The following ABCB1 variants were observed in gnomAD, a reference collection of about 807,000 sequenced individuals.
ABCB1 encodes the protein ATP binding cassette subfamily B member 1.
Under a neutral mutation model 142.0 loss-of-function variants are expected in ABCB1, and 69 were observed. The observed-to-expected ratio is 0.49, with a 90% confidence interval of 0.40 to 0.59. The LOEUF is 0.59. Among genes scored for constraint, ABCB1 ranks in the 20% least tolerant of loss-of-function variants. ABCB1 has a pLI of 0.00. For missense variants in ABCB1, 1,326 were observed against 1,554.7 expected (o/e 0.85, Z 2.47); for synonymous variants, 532 against 539.2 (o/e 0.99, Z 0.18).
chr7:87,581,759 C>A (rs1042240603), intron 4 of ABCB1, among the ~76,000 whole-genome samples: 5 of 152,198 alleles, frequency 3.3e-5, no homozygotes, highest in African/African-American at 4.8e-5. Flanking sequence ...ATTGTAAAAA[C>A]CCCCAGGCTT....
chr7:87,563,845 G>A (rs1817675928), intron 7 of ABCB1, among the ~76,000 whole-genome samples: 1 of 152,146 alleles, frequency 6.6e-6, no homozygotes, highest in South Asian at 2.1e-4. Context: ...TAAAAAAAAT[G>A]AGATCATGTC....
intron 1 of ABCB1, among the ~76,000 whole-genome samples, chr7:87,636,861 G>A (rs1229079599): frequency 2.0e-5 from 3 of 152,106 alleles, no homozygotes; most frequent in Non-Finnish European, 4.4e-5. Flanking sequence ...ATTTATGAAG[G>A]AAAGAGGTTT....
rs1331678185 is a variant in ABCB1 at position 87,566,155 on chromosome 7, A to G, written c.617T>C (p.Val206Ala). 2 of 1,614,080 alleles carry G rather than the reference A, an allele frequency of 1.2e-6. No homozygotes were observed. The highest frequency in any genetic ancestry group is 1.3e-5 in the African/African-American group (1 of 74,936). The change falls in exon 7 of 28, where the codon GTA (valine) becomes GCA (alanine). Residue 206 changes from valine (V) to alanine (A), a missense_variant. Physicochemically the swap from Val to Ala is moderately conservative, Grantham distance 64. Transcript: ENST00000622132. ...SMATFFTGFIVGFTRGWKLTL... is the reference protein window; with the variant it reads ...SMATFFTGFIAGFTRGWKLTL... ...TAGCTTCCAACCACGTGTAAATCCT[A>G]CTATAAACCCAGTGAAAAATGTTGC... is the stretch of plus-strand genomic sequence containing the variant.
chr7:87,705,673 G>C (rs1829519173), intron 1 of ABCB1, among the ~76,000 whole-genome samples: 1 of 152,110 alleles, frequency 6.6e-6, no homozygotes, highest in Non-Finnish European at 1.5e-5. Flanking sequence ...TTTCACACTA[G>C]AATCAGCACT....
At chr7:87,708,447 A>G (rs1358168216) in intron 1 of ABCB1, among the ~76,000 whole-genome samples, 1 of 152,124 alleles carries the variant, frequency 6.6e-6, no homozygotes, top group Non-Finnish European at 1.5e-5. Context: ...TAACACGAAA[A>G]GGATGGAAAT....
At chr7:87,511,262 T>C (rs1814994942) in intron 25 of ABCB1, among the ~76,000 whole-genome samples, 1 of 152,112 alleles carries the variant, frequency 6.6e-6, no homozygotes. Flanking sequence ...AGGAATGGTG[T>C]TGGTCTGAGG....
chr7:87,557,071 T>C (rs1462709612), intron 8 of ABCB1, among the ~76,000 whole-genome samples: 1 of 152,190 alleles, frequency 6.6e-6, no homozygotes, highest in Non-Finnish European at 1.5e-5. Context: ...CCAACCACCG[T>C]ATTTAAAGTT....
At chr7:87,570,061 A>G in intron 5 of ABCB1, 111 bp downstream of exon 5, 1 of 946,728 alleles carries the variant, frequency 1.1e-6, no homozygotes, top group Non-Finnish European at 1.7e-6. Context: ...AAAACTATCA[A>G]GAGTATTGTT....
chr7:87,532,312 G>A (rs1584853909), intron 20 of ABCB1, among the ~76,000 whole-genome samples: 2 of 152,166 alleles, frequency 1.3e-5, no homozygotes, highest in East Asian at 3.9e-4. Flanking sequence ...GTAAAATAAG[G>A]CTGAGATCTA....
chr7:87,696,301 G>C (rs1452463437), intron 1 of ABCB1, among the ~76,000 whole-genome samples: 2 of 152,112 alleles, frequency 1.3e-5, no homozygotes, highest in Non-Finnish European at 2.9e-5. Flanking sequence ...TATTTGAGGA[G>C]TGGTTATTTA....
At chr7:87,608,673 T>A (rs904790803) in intron 1 of ABCB1, among the ~76,000 whole-genome samples, 23 of 152,322 alleles carry the variant, frequency 1.5e-4, no homozygotes, top group Admixed American at 4.6e-4. Context: ...TAGTTTTTTT[T>A]ATCGTTTTAT....
At chr7:87,657,161 A>T (rs1824190728) in intron 1 of ABCB1, among the ~76,000 whole-genome samples, 1 of 152,184 alleles carries the variant, frequency 6.6e-6, no homozygotes, top group African/African-American at 2.4e-5. Context: ...AAGACTGGTT[A>T]AGGACACTAG....
At chr7:87,565,888 A>G (rs1817766097) in intron 7 of ABCB1, among the ~76,000 whole-genome samples, 182 bp downstream of exon 7, 1 of 152,150 alleles carries the variant, frequency 6.6e-6, no homozygotes, top group African/African-American at 2.4e-5. Context: ...AACAGCATGG[A>G]GTCTTGGCAG....
rs530151746 is a variant in ABCB1 at position 87,666,669 on chromosome 7, A to G, written c.-331+46492T>C. 7.9e-5 allele frequency among the ~76,000 whole-genome samples: 12 copies of G among 152,046 alleles called. 1 individual carries two copies. Among genetic ancestry groups the G allele is most frequent in the South Asian group, 6.2e-4 (3 of 4,818 alleles). ...CCATCTTGAGTTTATTTTTGTGTAT[A>G]GTGTAAGGAAGGGGTCCAGTTTCAA... On this transcript the variant is annotated intron_variant, in intron 1 of 28. Transcript: ENST00000265724.
intron 3 of ABCB1, among the ~76,000 whole-genome samples, chr7:87,587,706 T>C (rs368147858): frequency 2.0e-5 from 3 of 151,568 alleles, no homozygotes; most frequent in Non-Finnish European, 4.4e-5. Flanking sequence ...CCCGTCTCTA[T>C]TAAAATACAA....
At position 87,550,036 on chromosome 7, in the gene ABCB1, C is replaced by T. The variant is rs1181024146; in HGVS notation, c.1369G>A (p.Asp457Asn). 6.2e-7 allele frequency: 1 copy of T among 1,614,094 alleles called. No homozygotes were observed. Among genetic ancestry groups the T allele is most frequent in the Non-Finnish European group, 8.5e-7 (1 of 1,180,058 alleles). Residue 457 changes from aspartate to asparagine, a missense_variant, in exon 13 of 28, where the codon GAT (aspartate) becomes AAT (asparagine). Physicochemically the swap from Asp to Asn is conservative, Grantham distance 23. Coordinates refer to ENST00000622132, the MANE Select transcript of ABCB1 (RefSeq NM_001348946.2). Reference sequence around the variant, plus strand: ...AACCTTACATTTATGGTCCTAATATCCTGTCCATCAACACTGACCTGGAAT... The same window carrying T: ...AACCTTACATTTATGGTCCTAATATTCTGTCCATCAACACTGACCTGGAAT... ...TEGMVSVDGQDIRTINVRFLR... is the reference protein window; with the variant it reads ...TEGMVSVDGQNIRTINVRFLR...
intron 1 of ABCB1, among the ~76,000 whole-genome samples, chr7:87,646,742 G>T (rs1282488121): frequency 7.0e-6 from 1 of 142,710 alleles, no homozygotes; most frequent in African/African-American, 2.5e-5. Context: ...GTTTGCCAGG[G>T]ATTGGCAGCA....
At chr7:87,677,600 T>C (rs1215485003) in intron 1 of ABCB1, among the ~76,000 whole-genome samples, 1 of 152,140 alleles carries the variant, frequency 6.6e-6, no homozygotes, top group Admixed American at 6.6e-5. Flanking sequence ...AGACCTATAT[T>C]GTGTACTTGA....
chr7:87,506,149 G>A, intron 26 of ABCB1, 106 bp from the exon 27 acceptor site: 1 of 1,171,932 alleles, frequency 8.5e-7, no homozygotes, highest in Non-Finnish European at 1.2e-6. Context: ...AAAAATTTAG[G>A]TTCAGAAGCT....
Sources: allele counts gnomAD v4.1 joint callset (sites outside exome capture counted in the v4.1 genomes callset), GRCh38; gene constraint gnomAD v4.1.1; transcripts MANE v1.5; gene names NCBI Gene and HGNC (gene_info 2026-07-23, HGNC 2026-07-21).